The following SYTL5 variants were observed in gnomAD, a reference collection of about 807,000 sequenced individuals.
SYTL5 encodes the protein synaptotagmin-like protein 5.
Under a neutral mutation model 55.9 loss-of-function variants are expected in SYTL5, and 34 were observed. The observed-to-expected ratio is 0.61, with a 90% CI of 0.46 to 0.81. The LOEUF is 0.81. Among genes scored for constraint, SYTL5 ranks in the 30% least tolerant of loss-of-function variants. The pLI is 0.00. For synonymous variants in SYTL5, 221 were observed against 188.7 expected, an observed-to-expected ratio of 1.17 and a Z score of -1.40; for missense variants, 637 against 546.7, an observed-to-expected ratio of 1.17 and a Z score of -1.65.
At chrX:37,970,832 G>A in the SYTL5 span, among the ~76,000 whole-genome samples, 3 of 112,052 alleles carry the variant, frequency 2.7e-5, no homozygotes, top group African/African-American at 9.7e-5. Flanking sequence ...GCATATACAA[G>A]CAAAGATCAT....
chrX:37,926,787 CAG>C, the SYTL5 span, among the ~76,000 whole-genome samples: 1 of 111,804 alleles, frequency 8.9e-6, no homozygotes, highest in African/African-American at 3.3e-5. Context: ...TTATTTCTGT[CAG>C]GGGTATCCAT....
the SYTL5 span, among the ~76,000 whole-genome samples, chrX:37,989,197 T>G: frequency 8.9e-6 from 1 of 111,770 alleles, no homozygotes; most frequent in Non-Finnish European, 1.9e-5. Context: ...TGGGGTGTGC[T>G]TCTCAGAATA....
At chrX:38,033,460 C>T (rs1269861077) in intron 1 of SYTL5, 74 bp from the exon 2 acceptor site, 1 of 112,781 alleles carries the variant, frequency 8.9e-6, no homozygotes, top group Non-Finnish European at 1.9e-5. Context: ...AAAAATTAGG[C>T]AGTTTTACAA....
chrX:38,122,391 T>C (rs1248457250), intron 15 of SYTL5, among the ~76,000 whole-genome samples, 176 bp downstream of exon 15: 1 of 112,209 alleles, frequency 8.9e-6, no homozygotes, highest in Non-Finnish European at 1.9e-5. Context: ...TTGAGGGAAC[T>C]GCTGATTCTA....
the SYTL5 span, among the ~76,000 whole-genome samples, chrX:37,986,069 T>C: frequency 1.8e-5 from 2 of 111,531 alleles, no homozygotes; most frequent in South Asian, 3.8e-4. Flanking sequence ...GGAAAAAACA[T>C]AGGAAAAAAA....
the SYTL5 span, among the ~76,000 whole-genome samples, chrX:37,965,617 G>A: frequency 1.8e-4 from 20 of 111,394 alleles, no homozygotes; most frequent in African/African-American, 5.9e-4. Context: ...TGACTGTTAG[G>A]TCCATTTGTT....
At chrX:38,045,431 C>T (rs1448271515) in intron 2 of SYTL5, among the ~76,000 whole-genome samples, 4 of 111,778 alleles carry the variant, frequency 3.6e-5, no homozygotes, top group African/African-American at 9.7e-5. Context: ...ATTATTGCTC[C>T]GTTGTTTTCA....
In SYTL5 at chrX:38,124,135, A is replaced by C. The variant is rs781239285; in HGVS notation, c.1842-1163A>C. 4.5e-5 allele frequency among the ~76,000 whole-genome samples: 5 copies of C among 111,574 alleles called. No homozygotes were observed. In the South Asian group the frequency reaches 1.9e-3, roughly 43 times the overall value. ...GCTGCTCCTGTTTCAGCTATCCCACACAAATTCCAGCTGACAGGACACTTT... is the reference window on the plus strand; with the variant it reads ...GCTGCTCCTGTTTCAGCTATCCCACCCAAATTCCAGCTGACAGGACACTTT... On this transcript the variant is annotated intron_variant, in intron 15 of 16. Coordinates refer to ENST00000297875, the MANE Select transcript of SYTL5 (RefSeq NM_138780.3).
Position 38,102,399 on chromosome X carries a change from A to C in SYTL5, c.1120A>C (p.Thr374Pro), listed in dbSNP as rs1937107561. 1 of 1,206,541 alleles carries C rather than the reference A, an allele frequency of 8.3e-7. No homozygotes were observed. The highest frequency in any genetic ancestry group is 1.8e-5 in the South Asian group (1 of 56,673). ...TGCCTTAGTGTCCTCGCAGTTATCTACAAACACTCACCGTCTGGCAAGTGG... is the reference window on the plus strand; with the variant it reads ...TGCCTTAGTGTCCTCGCAGTTATCTCCAAACACTCACCGTCTGGCAAGTGG... ...IDALVSSQLSTNTHRLASGLS... is the reference protein window; with the variant it reads ...IDALVSSQLSPNTHRLASGLS... Residue 374 changes from threonine to proline, a missense_variant, in exon 10 of 17, where the codon ACA becomes CCA. Physicochemically the swap from Thr to Pro is conservative, Grantham distance 38. Coordinates refer to ENST00000297875, the MANE Select transcript of SYTL5 (RefSeq NM_138780.3).
intron 3 of SYTL5, among the ~76,000 whole-genome samples, chrX:38,070,025 C>T (rs2363890): frequency 0.057 from 6,353 of 111,535 alleles, 307 homozygotes; most frequent in South Asian, 0.2. Context: ...GGTAATATAA[C>T]CACTTGGGAG....
At chrX:38,072,003 C>A in intron 3 of SYTL5, 44 bp from the exon 4 acceptor site, 2 of 964,205 alleles carry the variant, frequency 2.1e-6, no homozygotes, top group Non-Finnish European at 3.0e-6. Context: ...AATTATGTGG[C>A]TAAATAATTG....
chrX:38,034,595 T>A (rs1460643552), intron 2 of SYTL5, among the ~76,000 whole-genome samples: 1 of 112,357 alleles, frequency 8.9e-6, no homozygotes, highest in Non-Finnish European at 1.9e-5. Flanking sequence ...ACCACTTGAA[T>A]TTTTAAAAAT....
intron 13 of SYTL5, among the ~76,000 whole-genome samples, chrX:38,118,431 T>C (rs915649716): frequency 3.0e-4 from 33 of 111,526 alleles, no homozygotes; most frequent in African/African-American, 1.0e-3. Flanking sequence ...ACTCTCATTC[T>C]GCCCTCTCTG....
chrX:38,001,768 A>AT (rs1184835435), upstream of SYTL5, among the ~76,000 whole-genome samples: 1 of 111,691 alleles, frequency 9.0e-6, no homozygotes, highest in Non-Finnish European at 1.9e-5. Context: ...GGGAGTGCAG[A>AT]TATCTCTTGG....
At chrX:38,031,022 C>T (rs1934937522) in intron 1 of SYTL5, among the ~76,000 whole-genome samples, 1 of 111,556 alleles carries the variant, frequency 9.0e-6, no homozygotes, top group Non-Finnish European at 1.9e-5. Context: ...AAGTTTGTAA[C>T]TGACCAGTTT....
chrX:38,024,189 A>G (rs921442877), intron 1 of SYTL5, among the ~76,000 whole-genome samples: 4 of 110,012 alleles, frequency 3.6e-5, no homozygotes, highest in African/African-American at 1.3e-4. Flanking sequence ...TGTGGGAGGG[A>G]CCTGGTGGGA....
At position 38,128,416 on chromosome X, in the gene SYTL5, A is replaced by G. The variant is rs1436667330; in HGVS notation, c.*1686A>G. 9.0e-6 allele frequency: 1 copy of G among 111,682 alleles called. No homozygotes were observed. The highest frequency in any genetic ancestry group is 1.9e-5 in the Non-Finnish European group (1 of 53,166). 9.2% of individuals were successfully genotyped at this position (111,682 alleles called of 1,213,427 possible). Reference sequence around the variant, plus strand: ...CCCGACCAAGGTATGTTCTGGAGTCATATTCTAGCCTCTGAGCTCATTTTT... The same window carrying G: ...CCCGACCAAGGTATGTTCTGGAGTCGTATTCTAGCCTCTGAGCTCATTTTT... On this transcript the variant is annotated 3_prime_UTR_variant, in exon 17 of 17. Transcript: ENST00000297875.
chrX:37,924,119 C>T, the SYTL5 span, among the ~76,000 whole-genome samples: 1 of 111,214 alleles, frequency 9.0e-6, no homozygotes, highest in African/African-American at 3.3e-5. Flanking sequence ...GTTCTGCATG[C>T]CCTAAGGTAA....
At chrX:38,014,649 A>C (rs902717753) in intron 1 of SYTL5, among the ~76,000 whole-genome samples, 4 of 111,945 alleles carry the variant, frequency 3.6e-5, no homozygotes, top group Admixed American at 2.8e-4. Flanking sequence ...ACATTGGTTC[A>C]GTCAAGAAAG....
Sources: allele counts gnomAD v4.1 joint callset (sites outside exome capture counted in the v4.1 genomes callset), GRCh38; gene constraint gnomAD v4.1.1; transcripts MANE v1.5; gene names NCBI Gene and HGNC (gene_info 2026-07-23, HGNC 2026-07-21).